ARMCX4: variants seen among roughly 807,000 people sequenced by gnomAD.
The protein encoded by ARMCX4 is armadillo repeat containing X-linked 4, also known as armadillo repeat-containing X-linked protein 4.
A neutral mutation model predicts 34.7 loss-of-function variants in ARMCX4; 3 were observed. The ratio of observed to expected loss-of-function variants is 0.09; its 90% CI spans 0.04 to 0.22. The LOEUF is 0.22. Among genes scored for constraint, ARMCX4 ranks in the 10% least tolerant of loss-of-function variants. The pLI, the probability that ARMCX4 is intolerant of heterozygous loss-of-function variation, is 1.00. For synonymous variants in ARMCX4, 513 were observed against 632.8 expected, an observed-to-expected ratio of 0.81 and a Z score of 2.84; for missense variants, 1,448 against 1,720.8, an observed-to-expected ratio of 0.84 and a Z score of 2.81.
chrX:101,494,683 T>C lies in ARMCX4; in HGVS notation c.6094T>C (p.Cys2032Arg). 8.7e-7 allele frequency: 1 copy of C among 1,156,033 alleles called. No individual in the cohort carries two copies. The highest frequency in any genetic ancestry group is 1.1e-6 in the Non-Finnish European group (1 of 872,922). The stretch of plus-strand genomic sequence containing the variant: ...AAAAACTCGGCCCTGGTCTTGCCGC[T>C]GTAAACACGAAGCTAATATGGATCC... ...GEKTRPWSCR[C>R]KHEANMDPRD... is the part of the protein sequence containing the mutation. The change falls in exon 6 of 6, where the codon TGT (cysteine) becomes CGT (arginine). Residue 2032 changes from cysteine (C) to arginine (R), a missense_variant. By Grantham distance (180) the Cys-to-Arg change is radical (BLOSUM62 -3). Transcript: ENST00000423738.
chrX:101,486,290 G>A (rs149948598), intron 2 of ARMCX4, among the ~76,000 whole-genome samples, 198 bp downstream of exon 2: 7,036 of 110,961 alleles, frequency 0.063, 203 homozygotes, highest in African/African-American at 0.11. Flanking sequence ...CTTTTCTACA[G>A]ATGCTTTTAT....
chrX:101,440,691 G>A (rs1429464764), intron 2 of ARMCX4, among the ~76,000 whole-genome samples: 3 of 111,477 alleles, frequency 2.7e-5, no homozygotes, highest in Non-Finnish European at 5.7e-5. Context: ...CCCTCCCCCA[G>A]CCTCACTGCC....
intron 2 of ARMCX4, among the ~76,000 whole-genome samples, chrX:101,440,685 C>T (rs1931224805): frequency 9.0e-6 from 1 of 111,620 alleles, no homozygotes; most frequent in South Asian, 3.8e-4. Context: ...AGGCGCCCCT[C>T]CCCCAGCCTC....
chrX:101,511,689 G>A (rs1556016385), intron 11 of ARMCX4, among the ~76,000 whole-genome samples: 5 of 110,070 alleles, frequency 4.5e-5, no homozygotes, highest in Non-Finnish European at 1.9e-5. Context: ...GTAGTGGCGT[G>A]ATCATAGTTT....
intron 4 of ARMCX4, 174 bp from the exon 5 acceptor site, chrX:101,487,870 G>A (rs1310589533): frequency 7.0e-6 from 2 of 283,727 alleles, no homozygotes; most frequent in African/African-American, 5.6e-5. Context: ...TCTGGTACAG[G>A]GAAAAGAGTG....
At chrX:101,510,570 A>C (rs782289448) in intron 10 of ARMCX4, among the ~76,000 whole-genome samples, 7 of 111,419 alleles carry the variant, frequency 6.3e-5, no homozygotes, top group Non-Finnish European at 1.1e-4. Context: ...ACAGAATACT[A>C]TTCTCTGAGG....
intron 2 of ARMCX4, chrX:101,443,819 A>C (rs1365055020): frequency 2.9e-6 from 1 of 350,216 alleles, no homozygotes; most frequent in Non-Finnish European, 5.5e-6. Flanking sequence ...CAACCACTCA[A>C]TCTTGGCAGT....
chrX:101,486,638 A>T (rs1165976625), intron 2 of ARMCX4, among the ~76,000 whole-genome samples: 3 of 111,258 alleles, frequency 2.7e-5, no homozygotes, highest in Non-Finnish European at 5.6e-5. Flanking sequence ...TTTTAAAATA[A>T]TTTGCCTTGT....
intron 4 of ARMCX4, among the ~76,000 whole-genome samples, chrX:101,478,818 A>G (rs967540868): frequency 3.6e-5 from 4 of 112,020 alleles, no homozygotes; most frequent in Non-Finnish European, 7.5e-5. Flanking sequence ...ACAAAACAAC[A>G]TTATAGAATA....
At chrX:101,467,916 A>C (rs1361357281) in intron 4 of ARMCX4, among the ~76,000 whole-genome samples, 1 of 112,250 alleles carries the variant, frequency 8.9e-6, no homozygotes, top group Non-Finnish European at 1.9e-5. Flanking sequence ...CTTATGTTCC[A>C]GTTCAAACTG....
chrX:101,513,597 A>G (rs181262367), intron 11 of ARMCX4, among the ~76,000 whole-genome samples: 74 of 112,185 alleles, frequency 6.6e-4, no homozygotes, highest in African/African-American at 2.4e-3. Context: ...AAACAAACAT[A>G]ATGAAATGAG....
chrX:101,496,834 G>A (rs782736083), downstream of ARMCX4, among the ~76,000 whole-genome samples: 1 of 111,639 alleles, frequency 9.0e-6, no homozygotes, highest in South Asian at 3.8e-4. Context: ...TGGAATATAT[G>A]CATATCCTTT....
chrX:101,525,456 G>A (rs913179662), intron 11 of ARMCX4, among the ~76,000 whole-genome samples: 2 of 111,998 alleles, frequency 1.8e-5, no homozygotes, highest in Non-Finnish European at 3.8e-5. Flanking sequence ...AATGAAGCGG[G>A]ATGGAGAATG....
chrX:101,457,905 G>A (rs1556000552), intron 4 of ARMCX4, among the ~76,000 whole-genome samples: 1 of 109,824 alleles, frequency 9.1e-6, no homozygotes, highest in Non-Finnish European at 1.9e-5. Context: ...ACCATGCCCG[G>A]CTATTTTTTG....
chrX:101,420,220 A>G (rs1476048000), intron 2 of ARMCX4, among the ~76,000 whole-genome samples: 2 of 111,575 alleles, frequency 1.8e-5, no homozygotes, highest in South Asian at 3.7e-4. Context: ...TTAGCTGGGC[A>G]TGGTGGTGTG....
rs1556007799 is a variant in ARMCX4, at chrX:101,489,200, G to A, written c.611G>A (p.Arg204Lys). The A allele has an allele frequency of 8.7e-7, 1 of 1,154,301 alleles. No individual in the cohort carries two copies. The highest frequency in any genetic ancestry group is 1.8e-5 in the African/African-American group (1 of 55,858). ...ILAEKETEIN[R>K]VMVTQSETLA... ...GCTGAAAAAGAGACAGAGATTAACA[G>A]AGTAATGGTTACACAGAGTGAGACC... The change falls in exon 6 of 6, where the codon AGA (arginine) becomes AAA (lysine). Residue 204 changes from arginine (R) to lysine (K), a missense_variant. Physicochemically the swap from Arg to Lys is conservative, Grantham distance 26 (BLOSUM62 2). This residue lies in a region of ARMCX4 where 1,343 missense variants were observed against 1,540.7 expected (regional missense o/e 0.87). Coordinates refer to ENST00000423738, the MANE Select transcript of ARMCX4 (RefSeq NM_001256155.3).
chrX:101,471,401 G>A (rs1556002960), intron 4 of ARMCX4, among the ~76,000 whole-genome samples: 1 of 111,892 alleles, frequency 8.9e-6, no homozygotes, highest in African/African-American at 3.2e-5. Flanking sequence ...AGGACATGAA[G>A]CTATTCCCCA....
downstream of ARMCX4, among the ~76,000 whole-genome samples, chrX:101,497,104 G>GT (rs1462280052): frequency 5.4e-5 from 6 of 111,990 alleles, no homozygotes. Context: ...AAAATAGGCT[G>GT]TAAAAGCACA....
chrX:101,439,974 A>G (rs1217087839), intron 2 of ARMCX4, among the ~76,000 whole-genome samples: 4 of 110,323 alleles, frequency 3.6e-5, no homozygotes, highest in Non-Finnish European at 5.7e-5. Flanking sequence ...TCTCCTCTCA[A>G]CTCGTCAAAG....
Sources: gnomAD v4.1 joint callset for allele counts (sites outside exome capture counted in the v4.1 genomes callset) on GRCh38, gnomAD v4.1.1 for gene constraint, gnomAD v4.1.1 regional missense constraint, MANE v1.5 for transcripts, NCBI Gene and HGNC (gene_info 2026-07-23, HGNC 2026-07-21) for gene names.